The following CNTNAP5 variants were observed in gnomAD, a reference collection of about 807,000 sequenced individuals.
CNTNAP5 encodes contactin-associated protein-like 5.
CNTNAP5 carries 72 observed loss-of-function variants against 150.2 expected under a neutral mutation model. That is an observed-to-expected ratio of 0.48 (90% CI 0.40 to 0.58). The LOEUF (loss-of-function observed/expected upper bound fraction) is 0.58, where lower values mean the gene tolerates loss of function less well. CNTNAP5 is among the 20% of genes least tolerant of loss of function. The pLI is 0.00. For missense variants in CNTNAP5, 1,636 were observed against 1,626.2 expected (o/e 1.01, Z -0.10); for synonymous variants, 672 against 619.8 (o/e 1.08, Z -1.25).
rs370352419 is a variant in CNTNAP5, at chr2:124,527,352, G to A, written c.1545G>A (p.Arg515=). The change falls in exon 10 of 24, where the codon AGG becomes AGA. Residue 515 remains arginine (R), a synonymous_variant. Coordinates refer to ENST00000682447, the MANE Select transcript of CNTNAP5 (RefSeq NM_001367498.1). ...TTAAGGCTTTCCAAGGCTGCATGAG[G>A]CTCATCTTTATTGATAACCAGCCCA... is the stretch of plus-strand genomic sequence containing the variant. ...NPIKAFQGCM[R]LIFIDNQPKD... is the part of the protein sequence containing the mutation. 2.5e-6 allele frequency: 4 copies of A among 1,613,476 alleles called. No individual in the cohort carries two copies. Among genetic ancestry groups the A allele is most frequent in the Admixed American group, 3.3e-5 (2 of 59,964 alleles).
At chr2:124,606,843 G>T (rs1677232982) in intron 11 of CNTNAP5, among the ~76,000 whole-genome samples, 1 of 152,032 alleles carries the variant, frequency 6.6e-6, no homozygotes, top group African/African-American at 2.4e-5. Flanking sequence ...CCTCGCACCA[G>T]GTTCCTCCCA....
intron 3 of CNTNAP5, among the ~76,000 whole-genome samples, chr2:124,393,616 C>T (rs149961677): frequency 2.3e-4 from 35 of 152,318 alleles, no homozygotes; most frequent in African/African-American, 7.5e-4. Context: ...TATGACACTT[C>T]GTTGTATGGA....
At chr2:124,903,508 C>T (rs1298006780) in intron 22 of CNTNAP5, among the ~76,000 whole-genome samples, 1 of 151,924 alleles carries the variant, frequency 6.6e-6, no homozygotes, top group Non-Finnish European at 1.5e-5. Flanking sequence ...CCTTTTTTAG[C>T]TTTATTAAGA....
intron 3 of CNTNAP5, among the ~76,000 whole-genome samples, chr2:124,359,320 T>C (rs1228529698): frequency 6.6e-6 from 1 of 151,266 alleles, no homozygotes; most frequent in East Asian, 2.0e-4. Context: ...TCTGCCCTGA[T>C]TTTAGTTATT....
Position 124,281,826 on chromosome 2 carries a change from C to T in CNTNAP5, c.381+39433C>T, listed in dbSNP as rs1002353430. ...AAAGCGAGAGGCATCTTTTAGAGCT[C>T]TACTTCCTCAGGCTCAGGCCGAACA... On this transcript the variant is annotated intron_variant, in intron 3 of 23. Coordinates refer to ENST00000682447, the MANE Select transcript of CNTNAP5 (RefSeq NM_001367498.1). Among the ~76,000 whole-genome samples the T allele has an allele frequency of 2.0e-5, 3 of 152,168 alleles. No individual in the cohort carries two copies. In the South Asian group the frequency reaches 6.2e-4, roughly 32 times the overall value.
rs547240945 is a variant in CNTNAP5, at chr2:124,251,371, AT to A, written c.381+8987del. On this transcript the variant is annotated intron_variant, in intron 3 of 23. Transcript: ENST00000682447. Reference sequence around the variant, plus strand: ...TATTTAACCTTGAATACTGTGGGTGATTTTTTTTTCCTTTTGTAGGAAGGGA... The same window carrying A: ...TATTTAACCTTGAATACTGTGGGTGATTTTTTTTCCTTTTGTAGGAAGGGA... 4.0e-3 allele frequency among the ~76,000 whole-genome samples: 596 copies of A among 149,788 alleles called. 2 individuals carry two copies. Among genetic ancestry groups the A allele is most frequent in the African/African-American group, 0.014 (559 of 40,876 alleles).
chr2:124,674,496 CCTTTCTTTCTTTCTCTTTCTTT>C (rs1408989120), intron 13 of CNTNAP5, among the ~76,000 whole-genome samples: 43 of 113,848 alleles, frequency 3.8e-4, no homozygotes, highest in Middle Eastern at 4.4e-3. Flanking sequence ...CTCTCTACTT[CCTTTCTTTCTTTCTCTTTCTTT>C]CTTTCTTTCT....
At chr2:124,724,801 A>G (rs757806282) in intron 13 of CNTNAP5, among the ~76,000 whole-genome samples, 1 of 151,830 alleles carries the variant, frequency 6.6e-6, no homozygotes, top group Non-Finnish European at 1.5e-5. Flanking sequence ...AGACAATGCT[A>G]CTCATCTGTT....
At chr2:124,834,583 C>T (rs1420427423) in intron 19 of CNTNAP5, among the ~76,000 whole-genome samples, 1 of 152,034 alleles carries the variant, frequency 6.6e-6, no homozygotes, top group Non-Finnish European at 1.5e-5. Flanking sequence ...GCAATGGAGA[C>T]AGGGGCTGGT....
Position 124,257,140 on chromosome 2 carries a change from C to T in CNTNAP5, c.381+14747C>T, listed in dbSNP as rs983273719. On this transcript the variant is annotated intron_variant, in intron 3 of 23. Transcript: ENST00000682447. Reference sequence around the variant, plus strand: ...TGGGGTTTTCAGAGATCATGTGTCCCTGTTGGAATTATGCTTCTGGACTTC... The same window carrying T: ...TGGGGTTTTCAGAGATCATGTGTCCTTGTTGGAATTATGCTTCTGGACTTC... 3.3e-5 allele frequency among the ~76,000 whole-genome samples: 5 copies of T among 152,138 alleles called. No homozygotes were observed. The East Asian group carries it at 9.6e-4, about 29-fold the overall frequency.
chr2:124,206,047 A>G (rs1384672531), intron 1 of CNTNAP5, among the ~76,000 whole-genome samples: 3 of 152,182 alleles, frequency 2.0e-5, no homozygotes, highest in Non-Finnish European at 4.4e-5. Flanking sequence ...AATCACTTGT[A>G]TTTGTCCTAA....
At position 124,798,241 on chromosome 2, in the gene CNTNAP5, G is replaced by A. The variant is rs1214209292; in HGVS notation, c.3138G>A (p.Val1046=). ...AGGAAAACATTGCACTTAGCTTTGT[G>A]ACAACCCAGGCACCCAGTCTTTTGC... The part of the protein sequence containing the change: ...PSKENIALSF[V]TTQAPSLLLF... Residue 1046 remains valine (V), a synonymous_variant, in exon 19 of 24, where the codon GTG becomes GTA. Transcript: ENST00000682447. The A allele has an allele frequency of 6.2e-7, 1 of 1,613,796 alleles. No individual in the cohort carries two copies.
chr2:124,421,383 C>A (rs1028398713), intron 4 of CNTNAP5, among the ~76,000 whole-genome samples: 58 of 152,328 alleles, frequency 3.8e-4, no homozygotes, highest in African/African-American at 1.2e-3. Context: ...ACTCTCCATC[C>A]ACTTGTCTAT....
chr2:124,671,937 G>A (rs1678832590), intron 13 of CNTNAP5, among the ~76,000 whole-genome samples: 1 of 152,102 alleles, frequency 6.6e-6, no homozygotes, highest in Non-Finnish European at 1.5e-5. Context: ...ACCATACCTC[G>A]CCAAGACTCT....
At chr2:124,835,856 A>C (rs994908637) in intron 19 of CNTNAP5, among the ~76,000 whole-genome samples, 2 of 152,180 alleles carry the variant, frequency 1.3e-5, no homozygotes, top group Non-Finnish European at 2.9e-5. Context: ...ACTTACTAAA[A>C]ACAATACAAA....
intron 3 of CNTNAP5, among the ~76,000 whole-genome samples, chr2:124,250,949 G>A (rs1047581613): frequency 8.5e-5 from 13 of 152,098 alleles, no homozygotes; most frequent in African/African-American, 3.1e-4. Context: ...GGGCCTTAAT[G>A]TTAATTGCAG....
rs186964032 is a variant in CNTNAP5, at chr2:124,168,867, A to C, written c.83-52838A>C. ...ATACATACTGTCAATTGAGGATTTG[A>C]CCTATCTGCGTGGAACTTTGGAGTT... is the stretch of plus-strand genomic sequence containing the variant. On this transcript the variant is annotated intron_variant, in intron 1 of 23. Coordinates refer to ENST00000682447, the MANE Select transcript of CNTNAP5 (RefSeq NM_001367498.1). 2.3e-3 allele frequency among the ~76,000 whole-genome samples: 355 copies of C among 152,296 alleles called. 2 individuals carry two copies. The highest frequency in any genetic ancestry group is 8.3e-3 in the African/African-American group (346 of 41,562).
intron 19 of CNTNAP5, among the ~76,000 whole-genome samples, chr2:124,846,916 A>G (rs567425579): frequency 1.8e-4 from 28 of 152,244 alleles, no homozygotes; most frequent in African/African-American, 5.8e-4. Flanking sequence ...GAGTCCTGTG[A>G]TATGATTTGC....
intron 21 of CNTNAP5, among the ~76,000 whole-genome samples, chr2:124,875,100 G>A: frequency 6.6e-6 from 1 of 152,018 alleles, no homozygotes; most frequent in Non-Finnish European, 1.5e-5. Flanking sequence ...CTATAGAACA[G>A]GGTTCTTTAA....
Sources: allele counts gnomAD v4.1 joint callset (sites outside exome capture counted in the v4.1 genomes callset), GRCh38; gene constraint gnomAD v4.1.1; transcripts MANE v1.5; gene names NCBI Gene and HGNC (gene_info 2026-07-23, HGNC 2026-07-21).